The following PHACTR1 variants were observed in gnomAD, a reference collection of about 807,000 sequenced individuals.
The protein encoded by PHACTR1 is RPEL repeat containing 1.
PHACTR1 carries 16 observed loss-of-function variants against 69.2 expected under a neutral mutation model. That is an observed-to-expected ratio of 0.23 (90% CI 0.16 to 0.35). The LOEUF (loss-of-function observed/expected upper bound fraction) is 0.35, where lower values mean the gene tolerates loss of function less well. Among genes scored for constraint, PHACTR1 ranks in the 10% least tolerant of loss-of-function variants. PHACTR1 has a pLI of 1.00. For synonymous variants in PHACTR1, 312 were observed against 284.5 expected (o/e 1.10, Z -0.97); for missense variants, 510 against 734.7 (o/e 0.69, Z 3.54).
At chr6:13,017,372 T>C (rs1800348775) in intron 4 of PHACTR1, among the ~76,000 whole-genome samples, 1 of 152,072 alleles carries the variant, frequency 6.6e-6, no homozygotes, top group Non-Finnish European at 1.5e-5. Context: ...GCAGTCTCAA[T>C]AAGCTCGGTT....
rs370045924 is a variant in PHACTR1, at chr6:12,809,088, A to G, written c.250+59298A>G. On this transcript the variant is annotated intron_variant, in intron 4 of 14. Transcript: ENST00000332995. The stretch of plus-strand genomic sequence containing the variant: ...TTTTTTGTAGAGATGGAGTTACCCC[A>G]TGTTGCCCAGGCTGGTCTCAAACTC... Among the ~76,000 whole-genome samples the G allele has an allele frequency of 4.2e-3, 639 of 151,762 alleles. 5 individuals carry two copies. Among genetic ancestry groups the G allele is most frequent in the African/African-American group, 0.015 (617 of 41,328 alleles).
chr6:12,728,303 C>A (rs907871043), intron 3 of PHACTR1, among the ~76,000 whole-genome samples: 2 of 151,986 alleles, frequency 1.3e-5, no homozygotes, highest in Non-Finnish European at 2.9e-5. Flanking sequence ...GGCAATGGAG[C>A]GAGATTCTGT....
At chr6:13,098,478 C>T (rs1814634351) in intron 5 of PHACTR1, among the ~76,000 whole-genome samples, 1 of 152,214 alleles carries the variant, frequency 6.6e-6, no homozygotes, top group Admixed American at 6.5e-5. Context: ...CAACTATCAT[C>T]TACCAGCTGA....
intron 12 of PHACTR1, chr6:13,280,001 A>G (rs1779798283): frequency 6.6e-6 from 1 of 152,222 alleles, no homozygotes; most frequent in Non-Finnish European, 1.5e-5. Flanking sequence ...GATCCCCAAA[A>G]TTCACCCAGT....
chr6:12,779,354 G>A (rs560576872), intron 4 of PHACTR1, among the ~76,000 whole-genome samples: 1 of 151,910 alleles, frequency 6.6e-6, no homozygotes, highest in South Asian at 2.1e-4. Context: ...AAAAGTTGGA[G>A]AAGCAAATTT....
chr6:12,877,614 G>C (rs1056719512), intron 4 of PHACTR1, among the ~76,000 whole-genome samples: 5 of 152,002 alleles, frequency 3.3e-5, no homozygotes, highest in African/African-American at 1.2e-4. Flanking sequence ...AACTCTGAAG[G>C]GTCCCTAGGT....
In PHACTR1 at chr6:13,142,660, A is replaced by G. The variant is rs141163564; in HGVS notation, c.416-17544A>G. Reference sequence around the variant, plus strand: ...TGATACCATTTGTTTAAAAAGTTCTATTTTTCCCCTTTGAATTTTCTCAGT... The same window carrying G: ...TGATACCATTTGTTTAAAAAGTTCTGTTTTTCCCCTTTGAATTTTCTCAGT... On this transcript the variant is annotated intron_variant, in intron 5 of 14. Coordinates refer to ENST00000332995, the MANE Select transcript of PHACTR1 (RefSeq NM_030948.6). Among the ~76,000 whole-genome samples the G allele has an allele frequency of 6.3e-3, 963 of 152,152 alleles. 8 individuals carry two copies. The highest frequency in any genetic ancestry group is 0.011 in the Non-Finnish European group (745 of 67,992).
intron 10 of PHACTR1, among the ~76,000 whole-genome samples, chr6:13,232,947 T>C (rs1182198540): frequency 9.9e-5 from 15 of 152,168 alleles, no homozygotes. Flanking sequence ...CAAATGAAGA[T>C]TTATCTGCAG....
At chr6:13,200,905 T>G (rs1765133984) in intron 7 of PHACTR1, among the ~76,000 whole-genome samples, 1 of 148,232 alleles carries the variant, frequency 6.7e-6, no homozygotes, top group South Asian at 2.1e-4. Flanking sequence ...GTTACACCAT[T>G]GCACTCTTGC....
chr6:13,109,113 T>C lies in PHACTR1; in HGVS notation c.416-51091T>C, dbSNP rs59644682. ...CCTCCATTTTCCTCCTCACTCCTTG[T>C]GCTATTGTGGAAATGCACTTTATTT... On this transcript the variant is annotated intron_variant, in intron 5 of 14. Transcript: ENST00000332995. Among the ~76,000 whole-genome samples the C allele has an allele frequency of 3.3e-3, 504 of 152,150 alleles. 2 individuals carry two copies. Among genetic ancestry groups the C allele is most frequent in the African/African-American group, 0.012 (487 of 41,566 alleles).
chr6:13,013,138 C>T (rs1799633456), intron 4 of PHACTR1, among the ~76,000 whole-genome samples: 1 of 152,236 alleles, frequency 6.6e-6, no homozygotes, highest in Non-Finnish European at 1.5e-5. Context: ...AAGCCTTAGT[C>T]ACTGTGCTAA....
chr6:13,171,268 C>T (rs1290947058), intron 6 of PHACTR1, among the ~76,000 whole-genome samples: 1 of 151,848 alleles, frequency 6.6e-6, no homozygotes, highest in Non-Finnish European at 1.5e-5. Flanking sequence ...TGTCTCACTG[C>T]TCTCAGGGCT....
In PHACTR1 at chr6:13,003,048, A is replaced by C. The variant is rs1484706558; in HGVS notation, c.251-50317A>C. On this transcript the variant is annotated intron_variant, in intron 4 of 14. Transcript: ENST00000332995. ...AAGAAATGGACAGATTTGAAGGTTT[A>C]TCTTCATGAAATCAGAGGATTTTAA... Among the ~76,000 whole-genome samples, 74 of 152,202 alleles carry C rather than the reference A, an allele frequency of 4.9e-4. 1 individual carries two copies. The highest frequency in any genetic ancestry group is 4.8e-3 in the Admixed American group (74 of 15,280).
At chr6:13,207,393 C>T (rs1766097123) in intron 8 of PHACTR1, among the ~76,000 whole-genome samples, 2 of 152,260 alleles carry the variant, frequency 1.3e-5, no homozygotes, top group South Asian at 4.1e-4. Context: ...ATTATGTGCA[C>T]TTGTGAGGCT....
At chr6:12,755,171 C>T (rs557551293) in intron 4 of PHACTR1, among the ~76,000 whole-genome samples, 1 of 152,182 alleles carries the variant, frequency 6.6e-6, no homozygotes, top group African/African-American at 2.4e-5. Context: ...CTTATGGCTA[C>T]ATGGTAAATT....
intron 6 of PHACTR1, among the ~76,000 whole-genome samples, chr6:13,168,007 G>T (rs758026630): frequency 5.9e-5 from 9 of 152,186 alleles, no homozygotes; most frequent in Non-Finnish European, 1.3e-4. Context: ...TGGTATTCCA[G>T]GTGCATAGAC....
At chr6:12,763,632 C>T (rs1287438730) in intron 4 of PHACTR1, among the ~76,000 whole-genome samples, 1 of 152,174 alleles carries the variant, frequency 6.6e-6, no homozygotes, top group African/African-American at 2.4e-5. Flanking sequence ...GGCATAATTA[C>T]TCAATCAGGC....
chr6:13,083,531 T>A (rs1262957976), intron 5 of PHACTR1, among the ~76,000 whole-genome samples: 1 of 150,762 alleles, frequency 6.6e-6, no homozygotes, highest in Non-Finnish European at 1.5e-5. Context: ...TAAATTACCT[T>A]GGGCAGTATG....
intron 5 of PHACTR1, among the ~76,000 whole-genome samples, chr6:13,089,982 T>C (rs1258939574): frequency 6.6e-6 from 1 of 152,210 alleles, no homozygotes; most frequent in African/African-American, 2.4e-5. Flanking sequence ...GGCTATCAGG[T>C]AAGCCGAAAT....
Sources: gnomAD v4.1 joint callset for allele counts (sites outside exome capture counted in the v4.1 genomes callset) on GRCh38, gnomAD v4.1.1 for gene constraint, MANE v1.5 for transcripts, NCBI Gene and HGNC (gene_info 2026-07-23, HGNC 2026-07-21) for gene names.